KCNB2: variants seen among roughly 807,000 people sequenced by gnomAD.
The protein encoded by KCNB2 is delayed rectifier potassium channel protein.
In KCNB2, 15 loss-of-function variants were observed where a neutral mutation model predicts 61.5. The ratio of observed to expected loss-of-function variants is 0.24; its 90% CI spans 0.16 to 0.38. The LOEUF (loss-of-function observed/expected upper bound fraction) is 0.38. Ranked by LOEUF, KCNB2 falls within the 10% of genes least tolerant of loss-of-function variation. KCNB2 has a pLI of 1.00. For synonymous variants in KCNB2, 457 were observed against 446.0 expected (o/e 1.02, Z -0.31); for missense variants, 828 against 1,125.2 (o/e 0.74, Z 3.78).
chr8:72,654,381 C>T (rs570822731), intron 2 of KCNB2, among the ~76,000 whole-genome samples: 1 of 152,120 alleles, frequency 6.6e-6, no homozygotes, highest in Admixed American at 6.6e-5. Context: ...GAAAGAGTGA[C>T]AGCTATTTCA....
intron 2 of KCNB2, among the ~76,000 whole-genome samples, chr8:72,770,070 A>T (rs1019201866): frequency 6.6e-6 from 1 of 152,200 alleles, no homozygotes; most frequent in Non-Finnish European, 1.5e-5. Flanking sequence ...CAGTCCCCAT[A>T]TTAGTTATTC....
At chr8:72,784,472 A>C (rs930834014) in intron 2 of KCNB2, among the ~76,000 whole-genome samples, 9 of 152,148 alleles carry the variant, frequency 5.9e-5, no homozygotes, top group African/African-American at 2.2e-4. Context: ...AGACTGAGTA[A>C]TTTTAAAGGA....
chr8:72,778,813 C>A (rs1162863999), intron 2 of KCNB2, among the ~76,000 whole-genome samples: 2 of 135,194 alleles, frequency 1.5e-5, no homozygotes, highest in African/African-American at 2.8e-5. Context: ...AGAAAGAATT[C>A]TTTCCAATTA....
rs191049264 is a variant in KCNB2, at chr8:72,599,641, C to T, written c.579+31328C>T. 2.4e-3 allele frequency among the ~76,000 whole-genome samples: 358 copies of T among 152,218 alleles called. 1 individual carries two copies. The highest frequency in any genetic ancestry group is 8.2e-3 in the African/African-American group (341 of 41,536). On this transcript the variant is annotated intron_variant, in intron 2 of 2. Transcript: ENST00000523207. Reference sequence around the variant, plus strand: ...AGCTTCTGCACAGCAAAAGAAACTACCATCAGAGTGAACAGGCAACCTACA... The same window carrying T: ...AGCTTCTGCACAGCAAAAGAAACTATCATCAGAGTGAACAGGCAACCTACA...
intron 2 of KCNB2, among the ~76,000 whole-genome samples, chr8:72,577,399 C>T (rs1585762242): frequency 6.6e-6 from 1 of 152,038 alleles, no homozygotes; most frequent in Admixed American, 6.6e-5. Context: ...TTGTAAAGAA[C>T]CCACCTGCAG....
chr8:72,800,976 T>A (rs955023509), intron 2 of KCNB2, among the ~76,000 whole-genome samples: 5 of 152,154 alleles, frequency 3.3e-5, no homozygotes, highest in Admixed American at 1.3e-4. Context: ...CTCACAAGTG[T>A]CCCTCACATT....
intron 2 of KCNB2, among the ~76,000 whole-genome samples, chr8:72,919,848 T>A (rs1436130688): frequency 1.3e-5 from 2 of 152,178 alleles, no homozygotes; most frequent in East Asian, 3.8e-4. Flanking sequence ...GCTTTGATAA[T>A]CAGATATTAT....
intron 2 of KCNB2, among the ~76,000 whole-genome samples, chr8:72,569,154 T>C (rs1239643579): frequency 6.6e-6 from 1 of 152,184 alleles, no homozygotes; most frequent in Non-Finnish European, 1.5e-5. Context: ...TATTTAGTTC[T>C]GTATTGCAGT....
chr8:72,808,217 A>G (rs757033874), intron 2 of KCNB2, among the ~76,000 whole-genome samples: 1 of 152,214 alleles, frequency 6.6e-6, no homozygotes, highest in African/African-American at 2.4e-5. Context: ...GATGGATTTT[A>G]TCAATAATTT....
chr8:72,645,064 C>A (rs1806108859), intron 2 of KCNB2, among the ~76,000 whole-genome samples: 1 of 152,130 alleles, frequency 6.6e-6, no homozygotes, highest in African/African-American at 2.4e-5. Context: ...TATTTGTGAT[C>A]TTTATGGAAT....
At chr8:72,652,738 C>T (rs1334155393) in intron 2 of KCNB2, among the ~76,000 whole-genome samples, 1 of 152,098 alleles carries the variant, frequency 6.6e-6, no homozygotes, top group Non-Finnish European at 1.5e-5. Flanking sequence ...TGTATTTTGA[C>T]TCTGTTCATT....
At chr8:72,843,902 T>C (rs1303404050) in intron 2 of KCNB2, among the ~76,000 whole-genome samples, 1 of 152,218 alleles carries the variant, frequency 6.6e-6, no homozygotes, top group African/African-American at 2.4e-5. Context: ...TTTGCCAGTC[T>C]GTGTCTTTTA....
At chr8:72,677,067 AT>A in intron 2 of KCNB2, among the ~76,000 whole-genome samples, 1 of 150,708 alleles carries the variant, frequency 6.6e-6, no homozygotes, top group East Asian at 1.9e-4. Flanking sequence ...CTAAACCAAT[AT>A]GACTTGCATG....
chr8:72,797,897 C>T (rs562115125), intron 2 of KCNB2, among the ~76,000 whole-genome samples: 2 of 152,306 alleles, frequency 1.3e-5, no homozygotes, highest in South Asian at 4.1e-4. Context: ...AATGTGTTTT[C>T]ATGACCAAAA....
intron 2 of KCNB2, among the ~76,000 whole-genome samples, chr8:72,777,769 C>T (rs978889927): frequency 1.3e-5 from 2 of 152,264 alleles, no homozygotes; most frequent in African/African-American, 2.4e-5. Context: ...TAGTATAATA[C>T]AGGACATTCT....
chr8:72,551,261 G>A (rs1174387460), intron 1 of KCNB2, among the ~76,000 whole-genome samples: 1 of 151,970 alleles, frequency 6.6e-6, no homozygotes, highest in African/African-American at 2.4e-5. Context: ...AAATCTGATT[G>A]TGTCACTCAT....
chr8:72,734,120 T>G (rs1213177294), intron 2 of KCNB2, among the ~76,000 whole-genome samples: 2 of 152,202 alleles, frequency 1.3e-5, no homozygotes, highest in Admixed American at 6.5e-5. Flanking sequence ...TCCTTTAAGA[T>G]GTAAAAGCAG....
chr8:72,925,862 T>C lies in KCNB2; in HGVS notation c.580-10073T>C, dbSNP rs189475467. ...CAACCCAAATGCCCATCAATGGTGA[T>C]AGACTGGATAAAGAAAATGTGGTAC... On this transcript the variant is annotated intron_variant, in intron 2 of 2. Transcript: ENST00000523207. 2.9e-3 allele frequency among the ~76,000 whole-genome samples: 442 copies of C among 152,268 alleles called. 1 individual carries two copies. Among genetic ancestry groups the C allele is most frequent in the Non-Finnish European group, 4.9e-3 (335 of 68,018 alleles).
At chr8:72,541,353 C>T (rs1175248387) in intron 1 of KCNB2, among the ~76,000 whole-genome samples, 1 of 152,040 alleles carries the variant, frequency 6.6e-6, no homozygotes, top group Non-Finnish European at 1.5e-5. Context: ...CTTACAACCA[C>T]CCTATGGTGT....
Sources: allele counts gnomAD v4.1 joint callset (sites outside exome capture counted in the v4.1 genomes callset), GRCh38; gene constraint gnomAD v4.1.1; transcripts MANE v1.5; gene names NCBI Gene and HGNC (gene_info 2026-07-23, HGNC 2026-07-21).